The following NEXMIF variants were observed in gnomAD, a reference collection of about 807,000 sequenced individuals.
The protein encoded by NEXMIF is neurite extension and migration factor, also known as XLMR protein related to neurite extension.
A neutral mutation model predicts 62.1 loss-of-function variants in NEXMIF; 8 were observed. That is an observed-to-expected ratio of 0.13 (90% CI 0.08 to 0.23). The LOEUF (loss-of-function observed/expected upper bound fraction) is 0.23. Ranked by LOEUF, NEXMIF falls within the 10% of genes least tolerant of loss-of-function variation. NEXMIF has a pLI of 1.00. For synonymous variants in NEXMIF, 404 were observed against 416.6 expected (o/e 0.97, Z 0.37); for missense variants, 976 against 1,113.3 (o/e 0.88, Z 1.75).
At chrX:74,794,522 C>T (rs1569344672) in intron 1 of NEXMIF, among the ~76,000 whole-genome samples, 1 of 112,303 alleles carries the variant, frequency 8.9e-6, no homozygotes, top group Non-Finnish European at 1.9e-5. Context: ...AGCTTCCCGG[C>T]TGCTTTGTTT....
chrX:74,914,058 T>C (rs1484978056), intron 1 of NEXMIF, among the ~76,000 whole-genome samples: 2 of 111,718 alleles, frequency 1.8e-5, no homozygotes, highest in Admixed American at 9.5e-5. Context: ...GAAGCAAAAA[T>C]TGTAGCATTG....
At chrX:74,785,644 C>T (rs907237599) in intron 1 of NEXMIF, among the ~76,000 whole-genome samples, 3 of 112,176 alleles carry the variant, frequency 2.7e-5, no homozygotes, top group African/African-American at 9.7e-5. Flanking sequence ...GCATGCCTTC[C>T]CCCAGGCATT....
chrX:74,877,860 C>G (rs2080643592), intron 1 of NEXMIF, among the ~76,000 whole-genome samples: 2 of 111,761 alleles, frequency 1.8e-5, no homozygotes, highest in African/African-American at 6.5e-5. Context: ...TTAAGCACTT[C>G]TCTGTATTGG....
At chrX:74,840,570 C>T (rs764581798) in intron 1 of NEXMIF, among the ~76,000 whole-genome samples, 9 of 111,927 alleles carry the variant, frequency 8.0e-5, no homozygotes, top group African/African-American at 2.9e-4. Flanking sequence ...ATTCCTATGT[C>T]TAGGATGGTA....
intron 1 of NEXMIF, among the ~76,000 whole-genome samples, chrX:74,873,315 T>C (rs1333546606): frequency 8.9e-6 from 1 of 112,146 alleles, no homozygotes; most frequent in Non-Finnish European, 1.9e-5. Context: ...ACAAAGGACA[T>C]GAACTCATCA....
intron 1 of NEXMIF, among the ~76,000 whole-genome samples, chrX:74,860,374 AT>A (rs751724835): frequency 8.9e-6 from 1 of 112,035 alleles, no homozygotes; most frequent in African/African-American, 3.2e-5. Context: ...ACAAAGAAAC[AT>A]CTGATTTATT....
At chrX:74,751,266 A>G (rs1462316040) in intron 1 of NEXMIF, among the ~76,000 whole-genome samples, 2 of 111,082 alleles carry the variant, frequency 1.8e-5, no homozygotes, top group East Asian at 5.7e-4. Flanking sequence ...ATATGCACAA[A>G]AAACTCATAT....
intron 1 of NEXMIF, among the ~76,000 whole-genome samples, chrX:74,888,285 A>G (rs765179121): frequency 9.3e-6 from 1 of 108,027 alleles, no homozygotes; most frequent in Non-Finnish European, 1.9e-5. Flanking sequence ...AACTTAAAGT[A>G]TAATAATAAT....
At chrX:74,846,964 G>T (rs192404629) in intron 1 of NEXMIF, among the ~76,000 whole-genome samples, 94 of 112,131 alleles carry the variant, frequency 8.4e-4, no homozygotes, top group African/African-American at 2.8e-3. Flanking sequence ...GATATATGGG[G>T]TGTGCCCATT....
At position 74,862,774 on chromosome X, in the gene NEXMIF, G is replaced by C. The variant is rs183224213; in HGVS notation, c.-48+62109C>G. ...AAGAAATTAAGGCAGAAATCAAAAA[G>C]TTCTTTGAAACCAACGAGAACAAAC... On this transcript the variant is annotated intron_variant, in intron 1 of 3. Transcript: ENST00000055682. Among the ~76,000 whole-genome samples the C allele has an allele frequency of 4.1e-3, 462 of 111,801 alleles. 1 individual carries two copies. Among genetic ancestry groups the C allele is most frequent in the Non-Finnish European group, 7.3e-3 (387 of 53,198 alleles).
chrX:74,827,260 G>T (rs1023109715), intron 1 of NEXMIF, among the ~76,000 whole-genome samples: 1 of 112,058 alleles, frequency 8.9e-6, no homozygotes, highest in Non-Finnish European at 1.9e-5. Flanking sequence ...CAAGTTGCTT[G>T]ATAAATCAAC....
At chrX:74,871,721 G>A (rs760132828) in intron 1 of NEXMIF, among the ~76,000 whole-genome samples, 3 of 111,495 alleles carry the variant, frequency 2.7e-5, no homozygotes, top group Non-Finnish European at 5.7e-5. Flanking sequence ...TCTGTGAGAA[G>A]AAAAATATGT....
At chrX:74,802,373 C>G (rs925727050) in intron 1 of NEXMIF, among the ~76,000 whole-genome samples, 1 of 111,160 alleles carries the variant, frequency 9.0e-6, no homozygotes, top group Non-Finnish European at 1.9e-5. Flanking sequence ...GAGAGAGTGT[C>G]TGTTTGTTTG....
chrX:74,874,575 A>C (rs1245516565), intron 1 of NEXMIF, among the ~76,000 whole-genome samples: 2 of 98,097 alleles, frequency 2.0e-5, no homozygotes, highest in African/African-American at 7.5e-5. Context: ...TCTGTAAATT[A>C]CCTTGGGCAG....
chrX:74,864,599 T>G (rs929303751), intron 1 of NEXMIF, among the ~76,000 whole-genome samples: 8 of 112,398 alleles, frequency 7.1e-5, no homozygotes, highest in African/African-American at 2.3e-4. Flanking sequence ...ATGTAAGACG[T>G]GCCTTTACTC....
At chrX:74,792,380 G>C (rs1435039960) in intron 1 of NEXMIF, among the ~76,000 whole-genome samples, 3 of 104,286 alleles carry the variant, frequency 2.9e-5, no homozygotes, top group Non-Finnish European at 5.9e-5. Flanking sequence ...TTGCTGAGGA[G>C]AGCTTTACTT....
At chrX:74,819,418 A>T (rs1244685727) in intron 1 of NEXMIF, among the ~76,000 whole-genome samples, 1 of 111,968 alleles carries the variant, frequency 8.9e-6, no homozygotes, top group Non-Finnish European at 1.9e-5. Flanking sequence ...ATGGGAGAAA[A>T]TTTTTGTAAT....
chrX:74,849,121 C>A (rs1338346391), intron 1 of NEXMIF, among the ~76,000 whole-genome samples: 1 of 112,542 alleles, frequency 8.9e-6, no homozygotes. Context: ...CTTGGTCTTC[C>A]AGTATGTCTG....
chrX:74,921,356 C>T (rs7064524), intron 1 of NEXMIF, among the ~76,000 whole-genome samples: 8,902 of 110,720 alleles, frequency 0.08, 924 homozygotes, highest in African/African-American at 0.28. Context: ...ACACCCCAGA[C>T]CAGATTTCCC....
Sources: allele counts gnomAD v4.1 joint callset (sites outside exome capture counted in the v4.1 genomes callset), GRCh38; gene constraint gnomAD v4.1.1; transcripts MANE v1.5; gene names NCBI Gene and HGNC (gene_info 2026-07-23, HGNC 2026-07-21).